Variants in DMD observed in about 807,000 individuals in gnomAD.
DMD encodes mutant dystrophin.
DMD carries 63 observed loss-of-function variants against 330.1 expected under a neutral mutation model. The observed-to-expected ratio is 0.19, with a 90% CI of 0.16 to 0.24. The LOEUF is 0.24. Ranked by LOEUF, DMD falls within the 10% of genes least tolerant of loss-of-function variation. DMD has a pLI of 1.00. For synonymous variants in DMD, 1,223 were observed against 959.8 expected, an observed-to-expected ratio of 1.27 and a Z score of -5.07; for missense variants, 3,344 against 2,684.1, an observed-to-expected ratio of 1.25 and a Z score of -5.43.
At position 31,926,617 on chromosome X, in the gene DMD, A is replaced by G. The variant is rs1424178732; in HGVS notation, c.6912+2979T>C. On this transcript the variant is annotated intron_variant, in intron 47 of 78. Transcript: ENST00000357033. The stretch of plus-strand genomic sequence containing the variant: ...CTTGAACCCGGGAGGTGGAGGTTGC[A>G]GTGAGCTGAGATCGTGCCACTGCAC... Among the ~76,000 whole-genome samples, 4 of 110,763 alleles carry G rather than the reference A, an allele frequency of 3.6e-5. No individual in the cohort carries two copies. The Admixed American group carries it at 3.9e-4, about 11-fold the overall frequency.
intron 43 of DMD, among the ~76,000 whole-genome samples, chrX:32,231,079 T>A (rs2097167574): frequency 8.9e-6 from 1 of 112,265 alleles, no homozygotes. Flanking sequence ...TTTTACTATG[T>A]GTAAATGATT....
intron 43 of DMD, among the ~76,000 whole-genome samples, chrX:32,217,568 T>C (rs1407998293): frequency 9.1e-6 from 1 of 110,022 alleles, no homozygotes; most frequent in Non-Finnish European, 1.9e-5. Flanking sequence ...AGTTCTAGTG[T>C]TCTATTGCAT....
chrX:31,738,457 C>T (rs1343379661), intron 51 of DMD, among the ~76,000 whole-genome samples: 1 of 112,073 alleles, frequency 8.9e-6, no homozygotes, highest in Non-Finnish European at 1.9e-5. Flanking sequence ...GAAAAAGGAA[C>T]CCTTGTATAC....
In DMD at chrX:31,529,221, CA is replaced by C. The variant is rs756790212; in HGVS notation, c.8218-21769del. ...TGGGTGACAGAGCGAGACTCCATTT[CA>C]AAAAAAAAAAAAATTAGGTGGGCAT... On this transcript the variant is annotated intron_variant, in intron 55 of 78. Transcript: ENST00000357033. Among the ~76,000 whole-genome samples, 613 of 89,936 alleles carry C rather than the reference CA, an allele frequency of 6.8e-3. 3 individuals are homozygous for C. Among genetic ancestry groups the C allele is most frequent in the Middle Eastern group, 0.023 (4 of 172 alleles). 78.1% of individuals were successfully genotyped at this position (89,936 alleles called of 115,157 possible).
intron 76 of DMD, among the ~76,000 whole-genome samples, chrX:31,139,595 T>G (rs1457835246): frequency 9.3e-6 from 1 of 108,080 alleles, no homozygotes; most frequent in Non-Finnish European, 1.9e-5. Flanking sequence ...CTAAGTAAAG[T>G]AACTCAGGAA....
At chrX:32,686,559 C>CAAAAAAAAAAAA (rs750534167) in intron 9 of DMD, among the ~76,000 whole-genome samples, 30 of 28,573 alleles carry the variant, frequency 1.0e-3, no homozygotes, top group African/African-American at 3.7e-3. Context: ...AACTCCATCT[C>CAAAAAAAAAAAA]AAAAAAAAAA....
chrX:32,847,270 C>A lies in DMD; in HGVS notation c.187-2410G>T, dbSNP rs1299376489. ...TACACATGTGCATATGTATTAGAAC[C>A]AAACATAGTCTACTCTTTTAAAAAG... On this transcript the variant is annotated intron_variant, in intron 3 of 78. Coordinates refer to ENST00000357033, the MANE Select transcript of DMD (RefSeq NM_004006.3). Among the ~76,000 whole-genome samples the A allele has an allele frequency of 2.7e-5, 3 of 111,549 alleles. No individual in the cohort carries two copies. The East Asian group carries it at 8.4e-4, about 31-fold the overall frequency.
chrX:31,500,937 G>A (rs1366363441), intron 56 of DMD, among the ~76,000 whole-genome samples: 1 of 111,996 alleles, frequency 8.9e-6, no homozygotes, highest in Non-Finnish European at 1.9e-5. Flanking sequence ...GCTTGTTGCT[G>A]TTAAATTAAA....
At chrX:32,728,100 C>G (rs2067105746) in intron 7 of DMD, among the ~76,000 whole-genome samples, 1 of 111,392 alleles carries the variant, frequency 9.0e-6, no homozygotes. Flanking sequence ...AATGTTTACT[C>G]TTCATTGGAG....
At chrX:32,417,590 T>C (rs1464193179) in intron 29 of DMD, among the ~76,000 whole-genome samples, 1 of 111,405 alleles carries the variant, frequency 9.0e-6, no homozygotes, top group African/African-American at 3.3e-5. Flanking sequence ...GTGCTTGGTG[T>C]GGCAAACGTT....
chrX:32,577,709 G>A (rs1411591776), intron 13 of DMD, among the ~76,000 whole-genome samples: 2 of 112,000 alleles, frequency 1.8e-5, no homozygotes, highest in African/African-American at 3.2e-5. Context: ...ACACAAGACA[G>A]CATGAACACA....
intron 1 of DMD, among the ~76,000 whole-genome samples, chrX:33,154,341 G>A (rs1237702070): frequency 9.0e-6 from 1 of 111,672 alleles, no homozygotes; most frequent in Non-Finnish European, 1.9e-5. Flanking sequence ...AAGTTGCAGT[G>A]AGCAGAGACT....
At chrX:32,980,462 T>A (rs180789161) in intron 2 of DMD, among the ~76,000 whole-genome samples, 1 of 109,103 alleles carries the variant, frequency 9.2e-6, no homozygotes, top group East Asian at 2.9e-4. Flanking sequence ...AATGCAAGTT[T>A]TATGCACAAA....
At chrX:31,254,462 C>A (rs1455951658) in intron 63 of DMD, among the ~76,000 whole-genome samples, 1 of 110,805 alleles carries the variant, frequency 9.0e-6, no homozygotes, top group Non-Finnish European at 1.9e-5. Flanking sequence ...GCTCAAGCGA[C>A]CCTCCCACCT....
At chrX:31,935,923 T>G (rs1171599647) in intron 45 of DMD, among the ~76,000 whole-genome samples, 2 of 111,380 alleles carry the variant, frequency 1.8e-5, no homozygotes, top group East Asian at 5.6e-4. Context: ...ACTAGCATAT[T>G]TTTTTCTATC....
Position 32,490,223 on chromosome X carries a change from T to A in DMD, c.2622+1054A>T, listed in dbSNP as rs959580646. Among the ~76,000 whole-genome samples, 8 of 111,993 alleles carry A rather than the reference T, an allele frequency of 7.1e-5. 1 individual carries two copies. The highest frequency in any genetic ancestry group is 5.7e-4 in the Admixed American group (6 of 10,539). On this transcript the variant is annotated intron_variant, in intron 20 of 78. Coordinates refer to ENST00000357033, the MANE Select transcript of DMD (RefSeq NM_004006.3). The stretch of plus-strand genomic sequence containing the variant: ...TTGCCTTTTGTATTAAATGTAATCA[T>A]CTCGATCTATCACTAAACGTTCATC...
chrX:32,326,331 T>C (rs2097650476), intron 41 of DMD, among the ~76,000 whole-genome samples: 1 of 112,452 alleles, frequency 8.9e-6, no homozygotes, highest in Admixed American at 9.4e-5. Flanking sequence ...GAGAATAACC[T>C]ACAAAAATCA....
intron 44 of DMD, among the ~76,000 whole-genome samples, chrX:32,106,091 T>C (rs987809437): frequency 3.6e-5 from 4 of 111,863 alleles, no homozygotes; most frequent in African/African-American, 1.3e-4. Context: ...ATGAAAAACA[T>C]ACTTATGCTG....
chrX:32,559,250 G>A (rs1449059556), intron 16 of DMD, among the ~76,000 whole-genome samples: 3 of 110,698 alleles, frequency 2.7e-5, no homozygotes, highest in Admixed American at 9.7e-5. Context: ...ACCACACTCG[G>A]TCAACTTCAA....
Sources: gnomAD v4.1 joint callset for allele counts (sites outside exome capture counted in the v4.1 genomes callset) on GRCh38, gnomAD v4.1.1 for gene constraint, MANE v1.5 for transcripts, NCBI Gene and HGNC (gene_info 2026-07-23, HGNC 2026-07-21) for gene names.